The following ANXA6 variants were observed in gnomAD, a reference collection of about 807,000 sequenced individuals.
The protein encoded by ANXA6 is 67 kDa calelectrin.
A neutral mutation model predicts 95.4 loss-of-function variants in ANXA6; 71 were observed. The observed-to-expected ratio is 0.74, with a 90% CI of 0.61 to 0.91. The LOEUF (loss-of-function observed/expected upper bound fraction) is 0.91, where lower values mean the gene tolerates loss of function less well. ANXA6 is among the 40% of genes least tolerant of loss of function. The pLI is 0.00. For missense variants in ANXA6, 830 were observed against 876.4 expected (o/e 0.95, Z 0.67); for synonymous variants, 289 against 315.9 (o/e 0.91, Z 0.90).
At chr5:151,129,346 A>C in intron 12 of ANXA6, 61 bp downstream of exon 12, 1 of 1,599,842 alleles carries the variant, frequency 6.3e-7, no homozygotes. Context: ...ATAGTCCCCA[A>C]GCCCTCTGTC....
chr5:151,131,849 A>G (rs1202467075), intron 10 of ANXA6, among the ~76,000 whole-genome samples: 1 of 152,082 alleles, frequency 6.6e-6, no homozygotes, highest in Non-Finnish European at 1.5e-5. Flanking sequence ...CTGGGGAGGC[A>G]ATTAAGGCAG....
chr5:151,109,667 C>T lies in ANXA6; in HGVS notation c.1684+86G>A, dbSNP rs530664558. 14 of 1,101,574 alleles carry T rather than the reference C, an allele frequency of 1.3e-5. No homozygotes were observed. In the East Asian group the frequency reaches 3.4e-4, roughly 26 times the overall value. The allele number at this position is 1,101,574 out of a possible 1,614,324, so 68.2% of individuals were successfully genotyped here. A position where few individuals can be genotyped will look rare whatever the true frequency, so the allele number is the denominator to read the frequency against. ...AAGGAGGAGGTGGGTGGGCAACGGG[C>T]TCCTCTTGCCACAGAGAGCTGAGAG... On this transcript the variant is annotated intron_variant, in intron 22 of 25. Transcript: ENST00000354546.
chr5:151,138,507 T>A (rs17728578), intron 5 of ANXA6, among the ~76,000 whole-genome samples, 171 bp downstream of exon 5: 16,194 of 152,196 alleles, frequency 0.11, 1,488 homozygotes, highest in East Asian at 0.43. Context: ...TCTGTCTGCA[T>A]CTCTCTGTGT....
Position 151,101,147 on chromosome 5 carries a change from C to T in ANXA6, c.*301G>A. On this transcript the variant is annotated 3_prime_UTR_variant, in exon 26 of 26. Transcript: ENST00000354546. Reference sequence around the variant, plus strand: ...CAGGATGTTTTTGGATCTGACATAGCCCAAACCAGGGCAGAGGCTGTAGCA... The same window carrying T: ...CAGGATGTTTTTGGATCTGACATAGTCCAAACCAGGGCAGAGGCTGTAGCA... The T allele has an allele frequency of 1.8e-6, 1 of 563,000 alleles. No individual in the cohort carries two copies. Among genetic ancestry groups the T allele is most frequent in the Non-Finnish European group, 3.3e-6 (1 of 304,550 alleles). 34.9% of individuals were successfully genotyped at this position (563,000 alleles called of 1,614,324 possible).
Position 151,138,848 on chromosome 5 carries a change from G to T in ANXA6, c.205-57C>A, listed in dbSNP as rs187820680. 5.8e-5 allele frequency: 71 copies of T among 1,220,268 alleles called. No individual in the cohort carries two copies. The African/African-American group carries it at 8.9e-4, about 15-fold the overall frequency. The allele number at this position is 1,220,268 out of a possible 1,614,324, so 75.6% of individuals were successfully genotyped here. On this transcript the variant is annotated intron_variant, in intron 4 of 25. Coordinates refer to ENST00000354546, the MANE Select transcript of ANXA6 (RefSeq NM_001155.5). ...AGGAAAGAGGAAGAGTAGTTACAAC[G>T]GTAAGAATTACACTTAATGAGCACT...
chr5:151,140,213 A>G lies in ANXA6; in HGVS notation c.49T>C (p.Phe17Leu), dbSNP rs572970397. 6.8e-6 allele frequency: 11 copies of G among 1,613,892 alleles called. No individual in the cohort carries two copies. The Admixed American group carries it at 1.8e-4, about 27-fold the overall frequency. Reference sequence around the variant, plus strand: ...TCCTGGTTGGGGTCAAAGCCTGGGAAGTCATGGATGGAGCCCCGGTACTTG... The same window carrying G: ...TCCTGGTTGGGGTCAAAGCCTGGGAGGTCATGGATGGAGCCCCGGTACTTG... ...GAKYRGSIHDFPGFDPNQDAE... is the reference protein window; with the variant it reads ...GAKYRGSIHDLPGFDPNQDAE... Residue 17 changes from phenylalanine (F) to leucine (L), a missense_variant, in exon 3 of 26, where the codon TTC becomes CTC. Phe to Leu is a conservative substitution (Grantham distance 22). Transcript: ENST00000354546.
Position 151,130,596 on chromosome 5 carries a change from C to A in ANXA6, c.795+635G>T, listed in dbSNP as rs76036978. ...TTCTTAATGAATTCATGCATACAGG[C>A]AAACATCTCTCTAGGGCTGAGCTGC... is the stretch of plus-strand genomic sequence containing the variant. On this transcript the variant is annotated intron_variant, in intron 11 of 25. Transcript: ENST00000354546. Among the ~76,000 whole-genome samples the A allele has an allele frequency of 5.9e-3, 903 of 152,312 alleles. 7 individuals are homozygous for A. The highest frequency in any genetic ancestry group is 0.02 in the African/African-American group (848 of 41,576).
chr5:151,115,629 C>T (rs138601869), intron 20 of ANXA6, among the ~76,000 whole-genome samples: 15 of 152,284 alleles, frequency 9.9e-5, no homozygotes, highest in African/African-American at 2.6e-4. Flanking sequence ...CAGCAGCACA[C>T]GAGGCTGTTC....
chr5:151,131,196 C>T (rs2303032), intron 11 of ANXA6, 35 bp downstream of exon 11: 211,997 of 1,611,204 alleles, frequency 0.13, 14,715 homozygotes, highest in East Asian at 0.23. Context: ...ATAGTCCTCT[C>T]CCCAAACCCC....
At chr5:151,152,688 C>G (rs530968717) in intron 1 of ANXA6, among the ~76,000 whole-genome samples, 1 of 152,122 alleles carries the variant, frequency 6.6e-6, no homozygotes, top group African/African-American at 2.4e-5. Flanking sequence ...ATGTTTTAAT[C>G]TTGCCCTTTT....
intron 13 of ANXA6, 134 bp from the exon 14 acceptor site, chr5:151,126,614 GCTTT>G: frequency 7.0e-6 from 5 of 711,960 alleles, no homozygotes; most frequent in Middle Eastern, 3.6e-4. Flanking sequence ...CACACATTAA[GCTTT>G]CTTTCTCTCC....
chr5:151,101,504 C>G lies in ANXA6; in HGVS notation c.1966G>C (p.Asp656His), dbSNP rs1581970439. The G allele has an allele frequency of 6.4e-7, 1 of 1,559,868 alleles. No homozygotes were observed. Among genetic ancestry groups the G allele is most frequent in the Non-Finnish European group, 8.7e-7 (1 of 1,151,852 alleles). The part of the protein sequence containing the change: ...DKSLHQAIEG[D>H]TSGDFLKALL... ...GCCTTCAGGAAGTCTCCGGAGGTGT[C>G]ACCCTGGCAGAGGCAGAGAGCAGAG... Residue 656 changes from aspartate (D) to histidine (H), a missense_variant, in exon 26 of 26, where the codon GAC becomes CAC. Physicochemically the swap from Asp to His is moderately conservative, Grantham distance 81. Transcript: ENST00000354546.
At chr5:151,112,545 A>G (rs1358394675) in intron 20 of ANXA6, among the ~76,000 whole-genome samples, 4 of 152,274 alleles carry the variant, frequency 2.6e-5, no homozygotes, top group African/African-American at 9.6e-5. Flanking sequence ...ATTAAAAACA[A>G]CCTATGCCAG....
intron 18 of ANXA6, among the ~76,000 whole-genome samples, chr5:151,118,139 C>T (rs551759383): frequency 8.5e-5 from 13 of 152,250 alleles, no homozygotes; most frequent in East Asian, 5.8e-4. Context: ...TGTTGTCATT[C>T]TCTCTTCTAC....
intron 24 of ANXA6, 91 bp from the exon 25 acceptor site, chr5:151,103,783 C>T (rs1031551062): frequency 1.8e-5 from 26 of 1,406,872 alleles, no homozygotes; most frequent in Non-Finnish European, 9.4e-7. Flanking sequence ...TGCCTTTCTC[C>T]CTTGTTCCTT....
chr5:151,132,464 G>C lies in ANXA6; in HGVS notation c.736+12C>G, dbSNP rs372518342. 2 of 1,605,592 alleles carry C rather than the reference G, an allele frequency of 1.2e-6. No homozygotes were observed. Among genetic ancestry groups the C allele is most frequent in the African/African-American group, 1.3e-5 (1 of 74,688 alleles). ...CCCCTAAAGCCCCCAGGAATGCAAC[G>C]TCAGGACATACCTACGGCCAGCATT... On this transcript the variant is annotated intron_variant, in intron 10 of 25. Coordinates refer to ENST00000354546, the MANE Select transcript of ANXA6 (RefSeq NM_001155.5).
Position 151,132,575 on chromosome 5 carries a change from C to G in ANXA6, c.641-4G>C. ...GTCTTCAGATACTCATCGAACACTG[C>G]GTCAGACAGAGAGACAGGGAGGTTT... is the stretch of plus-strand genomic sequence containing the variant. On this transcript the variant is annotated splice_region_variant and splice_polypyrimidine_tract_variant and intron_variant, in intron 9 of 25. Transcript: ENST00000354546. 1.9e-6 allele frequency: 3 copies of G among 1,611,226 alleles called. No individual in the cohort carries two copies. The highest frequency in any genetic ancestry group is 2.5e-6 in the Non-Finnish European group (3 of 1,178,868).
chr5:151,105,307 G>A lies in ANXA6; in HGVS notation c.1781-4C>T. The A allele has an allele frequency of 6.2e-7, 1 of 1,613,862 alleles. No individual in the cohort carries two copies. The highest frequency in any genetic ancestry group is 8.5e-7 in the Non-Finnish European group (1 of 1,179,778). ...GGCTTGTTCTTGACACTTTGAACTG[G>A]TAGGAAGAGCAGAGAGATGCGGGGA... On this transcript the variant is annotated splice_polypyrimidine_tract_variant and splice_region_variant and intron_variant, in intron 23 of 25. Transcript: ENST00000354546.
chr5:151,136,161 A>G, intron 7 of ANXA6, 95 bp downstream of exon 7: 1 of 1,187,590 alleles, frequency 8.4e-7, no homozygotes, highest in Non-Finnish European at 1.2e-6. Context: ...AACCAGGGGA[A>G]GCTGACCAGA....
Sources: allele counts gnomAD v4.1 joint callset (sites outside exome capture counted in the v4.1 genomes callset), GRCh38; gene constraint gnomAD v4.1.1; transcripts MANE v1.5; gene names NCBI Gene and HGNC (gene_info 2026-07-23, HGNC 2026-07-21).